ACER2: variants seen among roughly 807,000 people sequenced by gnomAD.
ACER2 encodes alkaline ceramidase 2, also known as alkCDase 2.
Under a neutral mutation model 34.7 loss-of-function variants are expected in ACER2, and 26 were observed. The observed-to-expected ratio is 0.75, with a 90% CI of 0.55 to 1.04. ACER2 has a LOEUF of 1.04. Among genes scored for constraint, ACER2 ranks in the 50% least tolerant of loss-of-function variants. ACER2 has a pLI of 0.00. For synonymous variants in ACER2, 138 were observed against 132.1 expected (o/e 1.04, Z -0.31); for missense variants, 352 against 340.8 (o/e 1.03, Z -0.26).
In ACER2 at chr9:19,435,024, A is replaced by C; in HGVS notation, c.443A>C (p.Asn148Thr). 6.2e-7 allele frequency: 1 copy of C among 1,614,160 alleles called. No homozygotes were observed. Among genetic ancestry groups the C allele is most frequent in the Non-Finnish European group, 8.5e-7 (1 of 1,180,032 alleles). ...CLAFVKPAIN[N>T]ISLMTLGVPC... Reference sequence around the variant, plus strand: ...GCATTTGTCAAGCCTGCCATCAACAACATCTCTCTGATGACCCTGGGAGTT... The same window carrying C: ...GCATTTGTCAAGCCTGCCATCAACACCATCTCTCTGATGACCCTGGGAGTT... Residue 148 changes from asparagine (N) to threonine (T), a missense_variant, in exon 4 of 6, where the codon AAC (asparagine) becomes ACC (threonine). By Grantham distance (65) the Asn-to-Thr change is moderately conservative. Coordinates refer to ENST00000340967, the MANE Select transcript of ACER2 (RefSeq NM_001010887.3).
At position 19,439,344 on chromosome 9, in the gene ACER2, C is replaced by CTTTTTTTTTTTTTT. The variant is rs55690063; in HGVS notation, c.503+4273_503+4274insTTTTTTTTTTTTTT. Among the ~76,000 whole-genome samples the CTTTTTTTTTTTTTT allele has an allele frequency of 3.2e-3, 447 of 138,596 alleles. 9 individuals are homozygous for CTTTTTTTTTTTTTT. Among genetic ancestry groups the CTTTTTTTTTTTTTT allele is most frequent in the African/African-American group, 0.011 (405 of 37,576 alleles). The allele number at this position is 138,596 out of a possible 152,430, so 90.9% of individuals were successfully genotyped here. A position where few individuals can be genotyped will look rare whatever the true frequency, so the allele number is the denominator to read the frequency against. On this transcript the variant is annotated intron_variant, in intron 4 of 5. Transcript: ENST00000340967. ...GCTGCTCCCTCTCTAAAGGGGCTTG[C>CTTTTTTTTTTTTTT]TTTTTTTTTTTTTGGAGACGTAGTC...
chr9:19,434,449 C>G (rs561776605), intron 3 of ACER2, among the ~76,000 whole-genome samples: 4 of 152,220 alleles, frequency 2.6e-5, no homozygotes, highest in South Asian at 2.1e-4. Context: ...TGTAGCGAGC[C>G]GAGATCACGC....
intron 4 of ACER2, among the ~76,000 whole-genome samples, chr9:19,444,563 C>T (rs990577823): frequency 2.0e-5 from 3 of 152,136 alleles, no homozygotes; most frequent in Admixed American, 6.5e-5. Flanking sequence ...GGGCCTCATT[C>T]GAAACCATCC....
chr9:19,448,721 G>T (rs2132537064), intron 5 of ACER2, among the ~76,000 whole-genome samples: 1 of 152,198 alleles, frequency 6.6e-6, no homozygotes, highest in Admixed American at 6.5e-5. Context: ...ATTATATTTT[G>T]TTTTTATTAT....
chr9:19,414,297 G>A (rs1830171446), intron 1 of ACER2, among the ~76,000 whole-genome samples: 1 of 152,162 alleles, frequency 6.6e-6, no homozygotes, highest in Non-Finnish European at 1.5e-5. Flanking sequence ...CAGGGTAAAA[G>A]TCCTCAGCTG....
chr9:19,424,981 TG>T, intron 3 of ACER2, 140 bp downstream of exon 3: 1 of 1,137,970 alleles, frequency 8.8e-7, no homozygotes, highest in Non-Finnish European at 1.2e-6. Flanking sequence ...ATCTACTGAT[TG>T]TTTTTATGAT....
At chr9:19,423,738 A>C (rs1429568634) in intron 1 of ACER2, 124 bp from the exon 2 acceptor site, 1 of 711,692 alleles carries the variant, frequency 1.4e-6, no homozygotes, top group African/African-American at 1.8e-5. Context: ...AAAGTGCAAG[A>C]GCTTAAACGA....
intron 3 of ACER2, among the ~76,000 whole-genome samples, chr9:19,430,342 G>A (rs985285977): frequency 6.6e-6 from 1 of 152,200 alleles, no homozygotes; most frequent in Admixed American, 6.5e-5. Context: ...GATGCTAAGG[G>A]TTTCCTGACC....
intron 2 of ACER2, chr9:19,424,408 T>A: frequency 2.0e-6 from 2 of 985,472 alleles, no homozygotes; most frequent in Non-Finnish European, 2.4e-6. Flanking sequence ...ATGTTGACTT[T>A]TATTTACTGC....
chr9:19,409,410 C>A (rs1193983433), intron 1 of ACER2, among the ~76,000 whole-genome samples: 2 of 152,356 alleles, frequency 1.3e-5, no homozygotes, highest in African/African-American at 4.8e-5. Context: ...TCATCTTCCT[C>A]CTGCTGTCAT....
rs1019348949 is a variant in ACER2, at chr9:19,450,708, C to A, written c.*72C>A. 5 of 1,391,674 alleles carry A rather than the reference C, an allele frequency of 3.6e-6. No individual in the cohort carries two copies. Among genetic ancestry groups the A allele is most frequent in the Non-Finnish European group, 4.8e-6 (5 of 1,038,184 alleles). 86.2% of individuals were successfully genotyped at this position (1,391,674 alleles called of 1,614,324 possible). A position where few individuals can be genotyped will look rare whatever the true frequency, so the allele number is the denominator to read the frequency against. ...GGGCTTCCTTTGCTAGGAAGACAGCCAAGGGAGTTCGAATAGTTGGGGTGT... is the reference window on the plus strand; with the variant it reads ...GGGCTTCCTTTGCTAGGAAGACAGCAAAGGGAGTTCGAATAGTTGGGGTGT... On this transcript the variant is annotated 3_prime_UTR_variant, in exon 6 of 6. Transcript: ENST00000340967.
At chr9:19,428,788 T>G (rs1298284082) in intron 3 of ACER2, among the ~76,000 whole-genome samples, 5 of 131,882 alleles carry the variant, frequency 3.8e-5, no homozygotes, top group Admixed American at 3.0e-4. Flanking sequence ...TTTTTTTTTT[T>G]TTTTTTTTTT....
chr9:19,446,802 G>A (rs2132533472), intron 5 of ACER2, among the ~76,000 whole-genome samples: 1 of 152,270 alleles, frequency 6.6e-6, no homozygotes, highest in Admixed American at 6.5e-5. Flanking sequence ...AGGGTCCTCA[G>A]TGGGAACCCC....
At chr9:19,447,376 T>C (rs554578619) in intron 5 of ACER2, among the ~76,000 whole-genome samples, 2 of 152,344 alleles carry the variant, frequency 1.3e-5, no homozygotes, top group Admixed American at 6.5e-5. Flanking sequence ...AACTTTGATA[T>C]ATTTGCTATG....
At chr9:19,430,471 CT>C (rs1007037248) in intron 3 of ACER2, among the ~76,000 whole-genome samples, 6 of 152,168 alleles carry the variant, frequency 3.9e-5, no homozygotes, top group African/African-American at 1.4e-4. Context: ...ATATTTCTAG[CT>C]CTCTTGTACC....
At chr9:19,445,124 C>CG (rs1433912833) in intron 4 of ACER2, among the ~76,000 whole-genome samples, 1 of 152,162 alleles carries the variant, frequency 6.6e-6, no homozygotes, top group African/African-American at 2.4e-5. Context: ...TGGTCCCCTC[C>CG]GGGAAGAAGG....
chr9:19,429,448 C>T (rs1465910394), intron 3 of ACER2, among the ~76,000 whole-genome samples: 8 of 152,282 alleles, frequency 5.3e-5, no homozygotes, highest in Non-Finnish European at 8.8e-5. Context: ...CCTCCTACCT[C>T]AGCCTTCCAA....
intron 4 of ACER2, among the ~76,000 whole-genome samples, chr9:19,439,685 C>T (rs1030541138): frequency 5.9e-5 from 9 of 152,130 alleles, no homozygotes; most frequent in African/African-American, 1.2e-4. Context: ...AAAGCTCCAT[C>T]GGCTGGGCTT....
At chr9:19,416,331 G>T (rs968990930) in intron 1 of ACER2, among the ~76,000 whole-genome samples, 5 of 152,040 alleles carry the variant, frequency 3.3e-5, no homozygotes, top group African/African-American at 4.8e-5. Context: ...ACAATTTTTA[G>T]ATGCTAGTGG....
Sources: gnomAD v4.1 joint callset for allele counts (sites outside exome capture counted in the v4.1 genomes callset) on GRCh38, gnomAD v4.1.1 for gene constraint, MANE v1.5 for transcripts, NCBI Gene and HGNC (gene_info 2026-07-23, HGNC 2026-07-21) for gene names.